NID2: variants seen among roughly 807,000 people sequenced by gnomAD.
NID2 encodes the protein nidogen 2.
NID2 carries 83 observed loss-of-function variants against 145.4 expected under a neutral mutation model. The observed-to-expected ratio is 0.57, with a 90% CI of 0.48 to 0.69. NID2 has a LOEUF of 0.69. Among genes scored for constraint, NID2 ranks in the 30% least tolerant of loss-of-function variants. The pLI, the probability that NID2 is intolerant of heterozygous loss-of-function variation, is 0.00. For missense variants in NID2, 1,807 were observed against 1,765.7 expected, an observed-to-expected ratio of 1.02 and a Z score of -0.42; for synonymous variants, 739 against 701.3, an observed-to-expected ratio of 1.05 and a Z score of -0.85.
chr14:52,053,498 C>A, intron 5 of NID2, 81 bp downstream of exon 5: 1 of 1,471,684 alleles, frequency 6.8e-7, no homozygotes, highest in South Asian at 1.4e-5. Flanking sequence ...CACCTACCCA[C>A]TTAAGAGAAA....
rs189299867 is a variant in NID2 at position 52,022,721 on chromosome 14, C to T, written c.2675-2543G>A. Among the ~76,000 whole-genome samples, 15 of 152,320 alleles carry T rather than the reference C, an allele frequency of 9.8e-5. No homozygotes were observed. The East Asian group carries it at 2.9e-3, about 29-fold the overall frequency. ...TTTGGAAAATGTGTTAAAAATCCTT[C>T]GAGTTCATGCTTTCGTGCTTCAACA... On this transcript the variant is annotated intron_variant, in intron 12 of 21. Coordinates refer to ENST00000216286, the MANE Select transcript of NID2 (RefSeq NM_007361.4).
At chr14:52,056,469 G>T (rs75324256) in intron 3 of NID2, among the ~76,000 whole-genome samples, 3,198 of 152,260 alleles carry the variant, frequency 0.021, 37 homozygotes, top group Middle Eastern at 0.041. Context: ...TCCCTGGGTT[G>T]TTAGGAGAAT....
intron 3 of NID2, among the ~76,000 whole-genome samples, chr14:52,059,422 C>T (rs990151648): frequency 3.9e-5 from 6 of 152,220 alleles, no homozygotes; most frequent in African/African-American, 1.2e-4. Flanking sequence ...CGAATAAAAG[C>T]GAGGGCACCC....
intron 2 of NID2, among the ~76,000 whole-genome samples, chr14:52,066,885 T>A (rs1428551070): frequency 1.3e-5 from 2 of 152,166 alleles, no homozygotes; most frequent in South Asian, 2.1e-4. Context: ...TCATATCCAT[T>A]TGGAGGACTT....
intron 20 of NID2, 96 bp downstream of exon 20, chr14:52,006,441 A>C (rs1890785347): frequency 7.0e-7 from 1 of 1,431,614 alleles, no homozygotes; most frequent in South Asian, 1.3e-5. Context: ...AGAGGGCTTA[A>C]TGAGTCAAGT....
At chr14:52,042,049 G>A (rs1015892927) in intron 7 of NID2, 56 bp downstream of exon 7, 38 of 1,526,740 alleles carry the variant, frequency 2.5e-5, no homozygotes, top group Non-Finnish European at 3.3e-5. Context: ...AGTGCCCCAA[G>A]GAGCACCACT....
rs775435798 is a variant in NID2 at position 52,068,000 on chromosome 14, GCGGGGGA to G, written c.385_391del (p.Ser129GlnfsTer33). ...ATAGCGGGCGGCCAGGCCCAGCACTGCGGGGGAGGTGTCCTCTCGGTACAGGACTCGG... is the reference window on the plus strand; with the variant it reads ...ATAGCGGGCGGCCAGGCCCAGCACTGGGTGTCCTCTCGGTACAGGACTCGG... On this transcript the variant is annotated frameshift_variant, in exon 2 of 22. Transcript: ENST00000216286. LOFTEE classifies it high-confidence loss of function. The G allele has an allele frequency of 6.2e-7, 1 of 1,612,510 alleles. No individual in the cohort carries two copies. The highest frequency in any genetic ancestry group is 8.5e-7 in the Non-Finnish European group (1 of 1,179,030).
chr14:52,019,208 G>T lies in NID2; in HGVS notation c.2881C>A (p.Pro961Thr). The T allele has an allele frequency of 3.7e-6, 6 of 1,613,754 alleles. No individual in the cohort carries two copies. Among genetic ancestry groups the T allele is most frequent in the Non-Finnish European group, 5.1e-6 (6 of 1,179,682 alleles). ...AAGTTGCCCTGCTCGTCGCATTGGG[G>T]GATGTGGAACCGGGCCCCAGGGTAG... ...YAYPGARFHI[P>T]QCDEQGNFLP... The change falls in exon 14 of 22, where the codon CCC (proline) becomes ACC (threonine). Residue 961 changes from proline (P) to threonine (T), a missense_variant. Physicochemically the swap from Pro to Thr is conservative, Grantham distance 38. Coordinates refer to ENST00000216286, the MANE Select transcript of NID2 (RefSeq NM_007361.4).
chr14:52,031,688 A>G (rs368019068), intron 9 of NID2, among the ~76,000 whole-genome samples: 1 of 152,286 alleles, frequency 6.6e-6, no homozygotes, highest in Non-Finnish European at 1.5e-5. Context: ...CACTGGCAGT[A>G]CCACCCATTT....
chr14:52,019,756 C>G (rs181514883), intron 13 of NID2, among the ~76,000 whole-genome samples: 1 of 152,292 alleles, frequency 6.6e-6, no homozygotes, highest in Admixed American at 6.5e-5. Context: ...GCTTAATAAG[C>G]TTGATCTCAA....
At chr14:52,049,865 A>G (rs764441772) in intron 5 of NID2, among the ~76,000 whole-genome samples, 1 of 152,068 alleles carries the variant, frequency 6.6e-6, no homozygotes, top group Non-Finnish European at 1.5e-5. Context: ...CTCCTCATAT[A>G]GGTGTCTTCA....
rs1488817573 is a variant in NID2, at chr14:52,054,005, G to A, written c.1069+15C>T. 1 of 1,611,588 alleles carries A rather than the reference G, an allele frequency of 6.2e-7. No homozygotes were observed. Among genetic ancestry groups the A allele is most frequent in the Admixed American group, 1.7e-5 (1 of 59,928 alleles). ...AAGGGGGAGGACAGATCAGAATCTG[G>A]AGGGGAGATCCTACCCTCTAAAGGC... On this transcript the variant is annotated intron_variant, in intron 4 of 21. Transcript: ENST00000216286.
intron 2 of NID2, among the ~76,000 whole-genome samples, chr14:52,060,722 CCTGCAGTCA>C (rs1183895801): frequency 6.6e-6 from 1 of 152,244 alleles, no homozygotes; most frequent in Non-Finnish European, 1.5e-5. Flanking sequence ...ACTTGTCCAT[CCTGCAGTCA>C]CTGCCCTAGT....
At chr14:52,006,479 G>GACTT (rs1890787470) in intron 20 of NID2, 58 bp downstream of exon 20, 2 of 1,603,090 alleles carry the variant, frequency 1.2e-6, no homozygotes, top group Non-Finnish European at 1.7e-6. Context: ...TAAAACAAGT[G>GACTT]GTGTGTCCTC....
chr14:52,024,278 T>C (rs1230464915), intron 12 of NID2, among the ~76,000 whole-genome samples: 7 of 152,224 alleles, frequency 4.6e-5, no homozygotes, highest in African/African-American at 1.7e-4. Flanking sequence ...TAAAGCAACA[T>C]TGAAGGGATG....
At chr14:52,019,373 G>A (rs559980053) in intron 13 of NID2, 79 bp from the exon 14 acceptor site, 27 of 1,189,052 alleles carry the variant, frequency 2.3e-5, no homozygotes, top group South Asian at 5.1e-5. Flanking sequence ...AGCCCACAGC[G>A]TGGCATGGAA....
At position 52,044,690 on chromosome 14, in the gene NID2, G is replaced by A. The variant is rs970247109; in HGVS notation, c.1430-1759C>T. ...AGCAGTGGTGCCATCTCGGCTCACT[G>A]AAAGCTCGACTTCCCAGGCTCAAGT... On this transcript the variant is annotated intron_variant, in intron 5 of 21. Transcript: ENST00000216286. Among the ~76,000 whole-genome samples, 10 of 152,224 alleles carry A rather than the reference G, an allele frequency of 6.6e-5. No individual in the cohort carries two copies. The East Asian group carries it at 1.9e-3, about 29-fold the overall frequency.
At chr14:52,048,861 T>C (rs1480633188) in intron 5 of NID2, among the ~76,000 whole-genome samples, 3 of 152,180 alleles carry the variant, frequency 2.0e-5, no homozygotes, top group African/African-American at 7.2e-5. Flanking sequence ...ATGCAGTTTC[T>C]GGTTCAGAAG....
intron 2 of NID2, among the ~76,000 whole-genome samples, chr14:52,064,776 C>G (rs186234104): frequency 9.8e-5 from 15 of 152,318 alleles, no homozygotes; most frequent in Non-Finnish European, 1.2e-4. Flanking sequence ...TTGCTCAGAA[C>G]AATCTCTCTT....
Sources: gnomAD v4.1 joint callset for allele counts (sites outside exome capture counted in the v4.1 genomes callset) on GRCh38, gnomAD v4.1.1 for gene constraint, MANE v1.5 for transcripts, NCBI Gene and HGNC (gene_info 2026-07-23, HGNC 2026-07-21) for gene names.